Variants in VPS45 observed in about 807,000 individuals in gnomAD.
The protein encoded by VPS45 is vacuolar protein sorting 45 homolog, also known as vacuolar protein sorting-associated protein 45.
Under a neutral mutation model 75.9 loss-of-function variants are expected in VPS45, and 35 were observed. That is an observed-to-expected ratio of 0.46 (90% confidence interval 0.35 to 0.61). The LOEUF (loss-of-function observed/expected upper bound fraction) is 0.61, where lower values mean the gene tolerates loss of function less well. Among genes scored for constraint, VPS45 ranks in the 20% least tolerant of loss-of-function variants. The probability of loss-of-function intolerance (pLI) is 0.00; values close to 1 mark genes in which losing one functional copy is unlikely to be tolerated. For synonymous variants in VPS45, 220 were observed against 238.2 expected (o/e 0.92, Z 0.70); for missense variants, 559 against 685.9 (o/e 0.81, Z 2.07).
intron 14 of VPS45, among the ~76,000 whole-genome samples, chr1:150,128,229 G>T (rs117131746): frequency 6.6e-6 from 1 of 151,692 alleles, no homozygotes; most frequent in South Asian, 2.1e-4. Flanking sequence ...TTGAGCCCAG[G>T]GGGCAGAGGT....
chr1:150,110,465 T>A, intron 13 of VPS45, 31 bp from the exon 14 acceptor site: 1 of 1,577,822 alleles, frequency 6.3e-7, no homozygotes, highest in South Asian at 1.2e-5. Context: ...TTTCTTATCC[T>A]GTGATAATAT....
intron 14 of VPS45, 80 bp from the exon 15 acceptor site, chr1:150,144,629 G>C: frequency 5.7e-6 from 7 of 1,237,398 alleles, no homozygotes; most frequent in African/African-American, 1.5e-5. Flanking sequence ...TTTTCATCTG[G>C]TTAGATGTCC....
chr1:150,072,554 G>A (rs1655135596), intron 3 of VPS45, among the ~76,000 whole-genome samples: 1 of 151,842 alleles, frequency 6.6e-6, no homozygotes, highest in Non-Finnish European at 1.5e-5. Flanking sequence ...CTACTTGGGA[G>A]GCTGAGGCAG....
intron 14 of VPS45, among the ~76,000 whole-genome samples, chr1:150,138,731 C>T (rs896097412): frequency 1.3e-5 from 2 of 152,158 alleles, no homozygotes; most frequent in African/African-American, 2.4e-5. Flanking sequence ...AACTTCTCCC[C>T]CAAACTCTGG....
At chr1:150,128,464 C>T (rs1553811366) in intron 14 of VPS45, among the ~76,000 whole-genome samples, 2 of 152,044 alleles carry the variant, frequency 1.3e-5, no homozygotes, top group Admixed American at 6.6e-5. Context: ...AAATAGTTGG[C>T]ATCTTGAATT....
intron 13 of VPS45, 86 bp from the exon 14 acceptor site, chr1:150,110,410 A>T: frequency 1.6e-6 from 2 of 1,248,792 alleles, no homozygotes; most frequent in Non-Finnish European, 2.2e-6. Context: ...AAAAAAAAAG[A>T]TTTAGAAATT....
intron 12 of VPS45, 29 bp from the exon 13 acceptor site, chr1:150,093,498 G>T: frequency 6.2e-7 from 1 of 1,600,566 alleles, no homozygotes; most frequent in South Asian, 1.1e-5. Flanking sequence ...TCCCAAAAAT[G>T]ACATAAGAAC....
intron 13 of VPS45, chr1:150,109,323 CCCTTG>C (rs1657513319): frequency 6.6e-6 from 1 of 152,076 alleles, no homozygotes; most frequent in African/African-American, 2.4e-5. Context: ...ATCATCCCCA[CCCTTG>C]TATAAATTTT....
intron 14 of VPS45, among the ~76,000 whole-genome samples, chr1:150,136,445 T>C (rs1659102981): frequency 6.6e-6 from 1 of 150,874 alleles, no homozygotes. Context: ...ATCCCAGCTA[T>C]TGAGGAGGCT....
chr1:150,092,935 G>A (rs587660321), intron 12 of VPS45, among the ~76,000 whole-genome samples: 18 of 129,624 alleles, frequency 1.4e-4, no homozygotes, highest in African/African-American at 3.5e-4. Context: ...TCTGCCTCCC[G>A]GGTTTTACGC....
intron 13 of VPS45, chr1:150,110,233 A>G (rs1412629563): frequency 2.9e-6 from 1 of 342,710 alleles, no homozygotes; most frequent in Non-Finnish European, 5.4e-6. Context: ...AGCAAACACT[A>G]TTGTGCTATT....
chr1:150,093,510 AT>A lies in VPS45; in HGVS notation c.1372-13del. The A allele has an allele frequency of 6.2e-7, 1 of 1,605,050 alleles. No individual in the cohort carries two copies. The highest frequency in any genetic ancestry group is 8.5e-7 in the Non-Finnish European group (1 of 1,176,810). ...ATTTCCCAAAAATGACATAAGAACCATTTTCCCCTGTTTTAGGGAGTAGAAA... is the reference window on the plus strand; with the variant it reads ...ATTTCCCAAAAATGACATAAGAACCATTTCCCCTGTTTTAGGGAGTAGAAA... On this transcript the variant is annotated splice_polypyrimidine_tract_variant and intron_variant, in intron 12 of 14. Transcript: ENST00000644510.
chr1:150,108,550 A>G (rs1657458429), intron 13 of VPS45, among the ~76,000 whole-genome samples: 1 of 152,238 alleles, frequency 6.6e-6, no homozygotes. Flanking sequence ...TCCACAATTA[A>G]GAGGTCACAG....
intron 2 of VPS45, among the ~76,000 whole-genome samples, chr1:150,069,699 G>C (rs909747470): frequency 8.6e-5 from 13 of 151,960 alleles, no homozygotes; most frequent in African/African-American, 2.9e-4. Context: ...CTCATGATCC[G>C]CCCGCCTTGG....
chr1:150,083,331 A>G (rs1350577261), intron 10 of VPS45: 5 of 152,856 alleles, frequency 3.3e-5, no homozygotes, highest in African/African-American at 1.2e-4. Flanking sequence ...TTCATTATTG[A>G]AGATCTGCTT....
At chr1:150,072,580 C>T (rs1275298358) in intron 3 of VPS45, among the ~76,000 whole-genome samples, 1 of 149,284 alleles carries the variant, frequency 6.7e-6, no homozygotes, top group Non-Finnish European at 1.5e-5. Context: ...TCGCTTGAAC[C>T]GGAGAGGCGG....
chr1:150,093,674 A>G, intron 13 of VPS45, 26 bp downstream of exon 13: 1 of 1,600,960 alleles, frequency 6.2e-7, no homozygotes, highest in African/African-American at 1.3e-5. Context: ...TATTAATAAT[A>G]AAAGCCAGAA....
At chr1:150,094,194 C>T (rs1296527014) in intron 13 of VPS45, among the ~76,000 whole-genome samples, 1 of 152,096 alleles carries the variant, frequency 6.6e-6, no homozygotes, top group Non-Finnish European at 1.5e-5. Context: ...CAAAACTTGT[C>T]CAGAACAACT....
At chr1:150,088,364 G>T (rs192639755) in intron 10 of VPS45, among the ~76,000 whole-genome samples, 4 of 148,984 alleles carry the variant, frequency 2.7e-5, no homozygotes, top group African/African-American at 9.9e-5. Context: ...TTCACTTAAT[G>T]TAAGTCCTCC....
Sources: gnomAD v4.1 joint callset for allele counts (sites outside exome capture counted in the v4.1 genomes callset) on GRCh38, gnomAD v4.1.1 for gene constraint, MANE v1.5 for transcripts, NCBI Gene and HGNC (gene_info 2026-07-23, HGNC 2026-07-21) for gene names.